FHIP2A: variants seen among roughly 807,000 people sequenced by gnomAD.
FHIP2A encodes family with sequence similarity 160 member B1.
A neutral mutation model predicts 93.5 loss-of-function variants in FHIP2A; 46 were observed. That is an observed-to-expected ratio of 0.49 (90% CI 0.39 to 0.63). The LOEUF (loss-of-function observed/expected upper bound fraction) is 0.63. Ranked by LOEUF, FHIP2A falls within the 20% of genes least tolerant of loss-of-function variation. The probability of loss-of-function intolerance (pLI) is 0.00; values close to 1 mark genes in which losing one functional copy is unlikely to be tolerated. For synonymous variants in FHIP2A, 332 were observed against 326.5 expected (o/e 1.02, Z -0.18); for missense variants, 769 against 909.7 (o/e 0.85, Z 1.99).
intron 16 of FHIP2A, among the ~76,000 whole-genome samples, chr10:114,871,549 C>T (rs1385391812): frequency 6.6e-6 from 1 of 152,072 alleles, no homozygotes; most frequent in Admixed American, 6.6e-5. Context: ...ATCCATTTTC[C>T]TCACTCAGCC....
chr10:114,871,369 G>T (rs1403970697), intron 16 of FHIP2A, among the ~76,000 whole-genome samples: 1 of 152,018 alleles, frequency 6.6e-6, no homozygotes, highest in Non-Finnish European at 1.5e-5. Context: ...TGGTCTCAAT[G>T]CAGCAACAGT....
chr10:114,841,492 A>T (rs1476091139), intron 5 of FHIP2A, among the ~76,000 whole-genome samples: 2 of 151,856 alleles, frequency 1.3e-5, no homozygotes, highest in East Asian at 3.9e-4. Context: ...AGGGTTTACC[A>T]TGTTGGCCAG....
chr10:114,849,633 C>G (rs1032957422), intron 13 of FHIP2A, among the ~76,000 whole-genome samples: 8 of 152,188 alleles, frequency 5.3e-5, no homozygotes, highest in African/African-American at 1.9e-4. Flanking sequence ...AACGTTTTAA[C>G]TATTTTAAAG....
At chr10:114,888,706 G>A (rs1037494056) in intron 16 of FHIP2A, among the ~76,000 whole-genome samples, 15 of 152,074 alleles carry the variant, frequency 9.9e-5, no homozygotes, top group Admixed American at 7.2e-4. Context: ...AGATTTAAGC[G>A]ATTCTCAAGC....
chr10:114,832,775 G>T (rs186857965), intron 2 of FHIP2A, among the ~76,000 whole-genome samples: 1 of 148,906 alleles, frequency 6.7e-6, no homozygotes, highest in Non-Finnish European at 1.5e-5. Context: ...TCAGTGGTGC[G>T]ATCTCTGCTC....
chr10:114,845,979 T>TAA (rs754339367), intron 8 of FHIP2A, 34 bp from the exon 9 acceptor site: 49 of 1,226,314 alleles, frequency 4.0e-5, no homozygotes, highest in Non-Finnish European at 4.7e-5. Context: ...TCTTTTATAT[T>TAA]AAAAAAAAAA....
At chr10:114,830,975 A>C (rs771079258) in intron 2 of FHIP2A, 45 bp downstream of exon 2, 1 of 1,208,582 alleles carries the variant, frequency 8.3e-7, no homozygotes, top group Non-Finnish European at 1.2e-6. Context: ...TGAAAGTTAA[A>C]CAGAAAATTT....
rs573866029 is a variant in FHIP2A at position 114,837,096 on chromosome 10, G to T, written c.522+850G>T. Among the ~76,000 whole-genome samples, 198 of 152,172 alleles carry T rather than the reference G, an allele frequency of 1.3e-3. 1 individual carries two copies. Among genetic ancestry groups the T allele is most frequent in the Non-Finnish European group, 2.2e-3 (153 of 68,008 alleles). ...TTTTAAGTTTTTTTGTAGAGACAGT[G>T]TCTCCCTGTGTTGTCCGGGCTGGTC... On this transcript the variant is annotated intron_variant, in intron 5 of 16. Coordinates refer to ENST00000369248, the MANE Select transcript of FHIP2A (RefSeq NM_020940.4).
intron 2 of FHIP2A, among the ~76,000 whole-genome samples, chr10:114,831,807 A>T (rs1451900382): frequency 1.3e-5 from 2 of 152,168 alleles, no homozygotes; most frequent in East Asian, 3.8e-4. Flanking sequence ...TCCAGCTGAA[A>T]GTGACAGAGC....
At chr10:114,890,563 T>A (rs1004859059) in intron 16 of FHIP2A, among the ~76,000 whole-genome samples, 12 of 148,044 alleles carry the variant, frequency 8.1e-5, no homozygotes, top group Non-Finnish European at 1.8e-4. Context: ...ACGCTATATA[T>A]GACATATATA....
intron 16 of FHIP2A, among the ~76,000 whole-genome samples, chr10:114,874,320 C>T (rs2083873640): frequency 6.6e-6 from 1 of 152,136 alleles, no homozygotes; most frequent in South Asian, 2.1e-4. Context: ...ATTCAAAATA[C>T]AGCTATACAC....
At chr10:114,831,025 A>C in intron 2 of FHIP2A, 95 bp downstream of exon 2, 1 of 664,244 alleles carries the variant, frequency 1.5e-6, no homozygotes, top group Non-Finnish European at 2.5e-6. Flanking sequence ...CTCCAAAGTT[A>C]TTTTATATTT....
chr10:114,893,099 T>A (rs576876732), intron 16 of FHIP2A, among the ~76,000 whole-genome samples: 1 of 152,216 alleles, frequency 6.6e-6, no homozygotes, highest in Non-Finnish European at 1.5e-5. Context: ...ATCTGTTGAT[T>A]CACCAATCCA....
At chr10:114,876,300 G>A (rs1421139253) in intron 16 of FHIP2A, among the ~76,000 whole-genome samples, 2 of 152,296 alleles carry the variant, frequency 1.3e-5, no homozygotes, top group African/African-American at 2.4e-5. Context: ...GTCCTGCTCC[G>A]ACCTTTGGCA....
intron 16 of FHIP2A, among the ~76,000 whole-genome samples, chr10:114,873,766 C>G (rs983838329): frequency 2.6e-5 from 4 of 152,104 alleles, no homozygotes; most frequent in African/African-American, 9.7e-5. Context: ...TTAACATACC[C>G]CCATCAATAT....
intron 6 of FHIP2A, 23 bp downstream of exon 6, chr10:114,843,249 TC>T: frequency 1.3e-6 from 2 of 1,502,420 alleles, no homozygotes; most frequent in Non-Finnish European, 1.8e-6. Flanking sequence ...CCTTACTTTT[TC>T]CCCCCTAACA....
intron 2 of FHIP2A, 111 bp downstream of exon 2, chr10:114,831,041 T>C: frequency 1.6e-6 from 1 of 608,396 alleles, no homozygotes; most frequent in Non-Finnish European, 2.8e-6. Context: ...TATTTAAGTT[T>C]ATAGACAATC....
chr10:114,846,040 G>C lies in FHIP2A; in HGVS notation c.1156G>C (p.Val386Leu). 6.2e-7 allele frequency: 1 copy of C among 1,613,880 alleles called. No individual in the cohort carries two copies. The change falls in exon 9 of 17, where the codon GTT (valine) becomes CTT (leucine). Residue 386 changes from valine (V) to leucine (L), a missense_variant. Transcript: ENST00000369248. ...TGCTGCTGTTGCTCTTGCCAAAGCT[G>C]TTCATGAAAGATTTTTCATTGGTGT... ...KTAAVALAKA[V>L]HERFFIGVME...
chr10:114,890,589 G>A (rs1012319662), intron 16 of FHIP2A, among the ~76,000 whole-genome samples: 22 of 145,090 alleles, frequency 1.5e-4, no homozygotes, highest in African/African-American at 4.6e-4. Flanking sequence ...TAAAATATAC[G>A]CTATGACATA....
Sources: allele counts gnomAD v4.1 joint callset (sites outside exome capture counted in the v4.1 genomes callset), GRCh38; gene constraint gnomAD v4.1.1; transcripts MANE v1.5; gene names NCBI Gene and HGNC (gene_info 2026-07-23, HGNC 2026-07-21).